The following RELN variants were observed in gnomAD, a reference collection of about 807,000 sequenced individuals.
RELN encodes reelin.
RELN carries 108 observed loss-of-function variants against 427.6 expected under a neutral mutation model. That is an observed-to-expected ratio of 0.25 (90% CI 0.22 to 0.30). RELN has a LOEUF of 0.30. RELN is among the 10% of genes least tolerant of loss of function. The probability of loss-of-function intolerance (pLI) is 1.00; values close to 1 mark genes in which losing one functional copy is unlikely to be tolerated. For missense variants in RELN, 3,715 were observed against 4,302.8 expected, an observed-to-expected ratio of 0.86 and a Z score of 3.82; for synonymous variants, 1,524 against 1,513.4, an observed-to-expected ratio of 1.01 and a Z score of -0.16.
intron 46 of RELN, among the ~76,000 whole-genome samples, chr7:103,525,873 G>GC (rs1005903535): frequency 1.3e-5 from 2 of 152,108 alleles, no homozygotes; most frequent in African/African-American, 4.8e-5. Context: ...TATTAAAAGT[G>GC]CCTATTCATA....
intron 1 of RELN, among the ~76,000 whole-genome samples, chr7:103,922,865 T>C (rs1201185826): frequency 6.6e-6 from 1 of 151,744 alleles, no homozygotes; most frequent in Non-Finnish European, 1.5e-5. Context: ...ATTACTACTT[T>C]ATACAAAAGA....
At chr7:103,489,948 A>G (rs539819912) in intron 59 of RELN, 49 bp from the exon 60 acceptor site, 1 of 1,608,902 alleles carries the variant, frequency 6.2e-7, no homozygotes, top group Non-Finnish European at 8.5e-7. Flanking sequence ...TGTTACTTCC[A>G]TGGCTGCATC....
At chr7:103,521,534 C>T (rs1467162547) in intron 48 of RELN, among the ~76,000 whole-genome samples, 1 of 152,146 alleles carries the variant, frequency 6.6e-6, no homozygotes, top group African/African-American at 2.4e-5. Context: ...ACCATCACAG[C>T]TCATTTTCCA....
At chr7:103,501,053 T>A in intron 52 of RELN, 131 bp from the exon 53 acceptor site, 1 of 821,878 alleles carries the variant, frequency 1.2e-6, no homozygotes, top group African/African-American at 1.7e-5. Flanking sequence ...AATAGGTTAA[T>A]AAAAAATGTT....
At chr7:103,937,649 T>C (rs964755099) in intron 1 of RELN, among the ~76,000 whole-genome samples, 2 of 152,250 alleles carry the variant, frequency 1.3e-5, no homozygotes, top group Admixed American at 6.5e-5. Context: ...ACTCAGCTAA[T>C]GTCCAGGTAC....
intron 10 of RELN, 33 bp downstream of exon 10, chr7:103,697,820 T>G (rs757491527): frequency 1.9e-6 from 3 of 1,613,132 alleles, no homozygotes; most frequent in Non-Finnish European, 2.5e-6. Flanking sequence ...GATGAAGGAT[T>G]AAAACAACCC....
At chr7:103,529,193 C>T (rs139542030) in intron 46 of RELN, among the ~76,000 whole-genome samples, 1 of 152,192 alleles carries the variant, frequency 6.6e-6, no homozygotes, top group East Asian at 1.9e-4. Flanking sequence ...GCCTCCCATC[C>T]CCATCTCTTT....
chr7:103,509,374 G>A (rs1203344450), intron 51 of RELN, among the ~76,000 whole-genome samples: 7 of 152,176 alleles, frequency 4.6e-5, no homozygotes, highest in South Asian at 4.2e-4. Flanking sequence ...CTTGATCTTT[G>A]ACAAACCTGA....
At chr7:103,850,449 C>T (rs998313144) in intron 2 of RELN, among the ~76,000 whole-genome samples, 3 of 152,218 alleles carry the variant, frequency 2.0e-5, no homozygotes, top group Non-Finnish European at 2.9e-5. Context: ...GCCCTGGGAG[C>T]TCGCTGGGTT....
At chr7:103,643,347 T>C (rs559177865) in intron 16 of RELN, among the ~76,000 whole-genome samples, 1 of 152,186 alleles carries the variant, frequency 6.6e-6, no homozygotes, top group South Asian at 2.1e-4. Context: ...AGGAATGCTA[T>C]TAATCTACCT....
At chr7:103,583,484 T>C (rs900986829) in intron 28 of RELN, among the ~76,000 whole-genome samples, 4 of 152,228 alleles carry the variant, frequency 2.6e-5, no homozygotes, top group Non-Finnish European at 5.9e-5. Flanking sequence ...GCAAATTTGT[T>C]TCCTCACAAA....
intron 20 of RELN, among the ~76,000 whole-genome samples, chr7:103,627,630 A>G (rs1407423685): frequency 6.7e-6 from 1 of 149,944 alleles, no homozygotes; most frequent in Non-Finnish European, 1.5e-5. Flanking sequence ...GTTGTTTCAT[A>G]ACCAAGACAA....
rs536791695 is a variant in RELN, at chr7:103,963,331, A to G, written c.226+25800T>C. On this transcript the variant is annotated intron_variant, in intron 1 of 64. Transcript: ENST00000428762. ...TTGACTACAAAGCATTTTCACATAC[A>G]TGATCTTACGTCACCCTCTGAGGTA... Among the ~76,000 whole-genome samples the G allele has an allele frequency of 2.3e-3, 348 of 152,318 alleles. 3 individuals carry two copies. Among genetic ancestry groups the G allele is most frequent in the African/African-American group, 8.1e-3 (335 of 41,566 alleles).
intron 57 of RELN, among the ~76,000 whole-genome samples, chr7:103,492,704 T>C (rs57681549): frequency 8.1e-4 from 124 of 152,242 alleles, no homozygotes; most frequent in African/African-American, 2.9e-3. Flanking sequence ...AGCATAATGA[T>C]AGTGGGAATC....
intron 51 of RELN, among the ~76,000 whole-genome samples, chr7:103,505,373 C>A (rs1479777882): frequency 6.6e-6 from 1 of 152,160 alleles, no homozygotes; most frequent in Non-Finnish European, 1.5e-5. Flanking sequence ...GAGGAAGGAA[C>A]AGGCAGCAAT....
At chr7:103,950,873 T>C (rs1442375217) in intron 1 of RELN, among the ~76,000 whole-genome samples, 3 of 152,208 alleles carry the variant, frequency 2.0e-5, no homozygotes, top group Non-Finnish European at 4.4e-5. Context: ...GAAATGTTGT[T>C]CAGCAAAAAA....
rs1196608440 is a variant in RELN, at chr7:103,943,762, C to T, written c.227-26577G>A. Among the ~76,000 whole-genome samples, 12 of 138,922 alleles carry T rather than the reference C, an allele frequency of 8.6e-5. No homozygotes were observed. The Admixed American group carries it at 9.5e-4, about 11-fold the overall frequency. 91.1% of individuals were successfully genotyped at this position (138,922 alleles called of 152,430 possible). A position where few individuals can be genotyped will look rare whatever the true frequency, so the allele number is the denominator to read the frequency against. ...ACTTGGGAGGCTGAGGCAGGAGAAT[C>T]ACTTGAACCCAGGACACAGAGGTTG... On this transcript the variant is annotated intron_variant, in intron 1 of 64. Transcript: ENST00000428762.
chr7:103,482,800 AG>A, intron 63 of RELN, 72 bp downstream of exon 63: 1 of 1,610,978 alleles, frequency 6.2e-7, no homozygotes, highest in Non-Finnish European at 8.5e-7. Flanking sequence ...TACTGAATTA[AG>A]GGTCATGCTA....
At chr7:103,987,651 C>G (rs1401768756) in intron 1 of RELN, among the ~76,000 whole-genome samples, 1 of 152,178 alleles carries the variant, frequency 6.6e-6, no homozygotes, top group Non-Finnish European at 1.5e-5. Flanking sequence ...GGCTGTCAAT[C>G]AGGCTTTGGG....
Sources: allele counts gnomAD v4.1 joint callset (sites outside exome capture counted in the v4.1 genomes callset), GRCh38; gene constraint gnomAD v4.1.1; transcripts MANE v1.5; gene names NCBI Gene and HGNC (gene_info 2026-07-23, HGNC 2026-07-21).